The following FNDC1 variants were observed in gnomAD, a reference collection of about 807,000 sequenced individuals.
FNDC1 encodes fibronectin type III domain containing 1.
A neutral mutation model predicts 168.0 loss-of-function variants in FNDC1; 96 were observed. That is an observed-to-expected ratio of 0.57 (90% CI 0.48 to 0.68). The LOEUF (loss-of-function observed/expected upper bound fraction) is 0.68, where lower values mean the gene tolerates loss of function less well. Ranked by LOEUF, FNDC1 falls within the 30% of genes least tolerant of loss-of-function variation. The probability of loss-of-function intolerance (pLI) is 0.00; values close to 1 mark genes in which losing one functional copy is unlikely to be tolerated. For missense variants in FNDC1, 2,587 were observed against 2,482.1 expected (o/e 1.04, Z -0.90); for synonymous variants, 1,099 against 1,025.9 (o/e 1.07, Z -1.36).
At chr6:159,172,867 C>T (rs191774323) in intron 1 of FNDC1, among the ~76,000 whole-genome samples, 14 of 152,192 alleles carry the variant, frequency 9.2e-5, no homozygotes, top group Admixed American at 2.0e-4. Flanking sequence ...CCAAGCAAAA[C>T]GACATATTGC....
At chr6:159,248,040 T>C (rs868019995) in intron 15 of FNDC1, among the ~76,000 whole-genome samples, 22 of 152,376 alleles carry the variant, frequency 1.4e-4, no homozygotes, top group African/African-American at 4.8e-4. Flanking sequence ...TCACCTTTGA[T>C]GTGTTATTTA....
intron 18 of FNDC1, among the ~76,000 whole-genome samples, chr6:159,257,680 G>A (rs184131677): frequency 8.5e-5 from 13 of 152,332 alleles, no homozygotes; most frequent in Admixed American, 7.2e-4. Flanking sequence ...TGAATGAGCT[G>A]TGAATTTTCC....
intron 5 of FNDC1, 136 bp from the exon 6 acceptor site, chr6:159,221,462 T>A (rs1257516482): frequency 1.0e-5 from 7 of 672,126 alleles, no homozygotes; most frequent in Non-Finnish European, 1.8e-5. Flanking sequence ...CCTCAAGAAG[T>A]GGGAATACCC....
At chr6:159,261,113 A>G (rs1194404573) in intron 18 of FNDC1, 77 bp from the exon 19 acceptor site, 10 of 1,072,316 alleles carry the variant, frequency 9.3e-6, no homozygotes, top group African/African-American at 1.6e-5. Flanking sequence ...TCAGGTGTTC[A>G]GTAGTTTGGG....
At chr6:159,231,820 T>A in intron 10 of FNDC1, 62 bp from the exon 11 acceptor site, 3 of 1,406,794 alleles carry the variant, frequency 2.1e-6, no homozygotes, top group Non-Finnish European at 1.9e-6. Context: ...ATACTGTGTC[T>A]CACCTCCGCT....
intron 1 of FNDC1, among the ~76,000 whole-genome samples, chr6:159,190,948 A>T (rs778114501): frequency 2.0e-5 from 3 of 152,196 alleles, no homozygotes; most frequent in Non-Finnish European, 4.4e-5. Flanking sequence ...TGGGTAATTT[A>T]TGAAGAAAAG....
At position 159,266,252 on chromosome 6, in the gene FNDC1, C is replaced by A. The variant is rs763347784; in HGVS notation, c.5446+7C>A. ...CTCAGTGACAACCTGAAAGGTAAGT[C>A]TTTGTGCATGGTTGGCTATGGGAGG... On this transcript the variant is annotated splice_region_variant and intron_variant, in intron 21 of 22. Coordinates refer to ENST00000297267, the MANE Select transcript of FNDC1 (RefSeq NM_032532.3). 2 of 1,613,800 alleles carry A rather than the reference C, an allele frequency of 1.2e-6. No individual in the cohort carries two copies. The highest frequency in any genetic ancestry group is 1.7e-5 in the Admixed American group (1 of 60,028).
chr6:159,250,285 C>T (rs115303217), intron 16 of FNDC1, among the ~76,000 whole-genome samples: 5 of 152,320 alleles, frequency 3.3e-5, no homozygotes, highest in African/African-American at 1.2e-4. Flanking sequence ...AGCTGTGTCC[C>T]AGGGACTCTG....
chr6:159,265,144 C>T (rs747700979), intron 20 of FNDC1, 140 bp downstream of exon 20: 11 of 680,966 alleles, frequency 1.6e-5, no homozygotes, highest in South Asian at 4.1e-5. Context: ...TCCTTGCACT[C>T]GTCATCCTGA....
At chr6:159,239,427 A>C in intron 13 of FNDC1, 90 bp from the exon 14 acceptor site, 1 of 1,161,664 alleles carries the variant, frequency 8.6e-7, no homozygotes, top group Non-Finnish European at 1.2e-6. Flanking sequence ...ATGATAATAC[A>C]TAAGCTTTGA....
chr6:159,258,199 T>C (rs1777413529), intron 18 of FNDC1, among the ~76,000 whole-genome samples: 1 of 152,166 alleles, frequency 6.6e-6, no homozygotes, highest in Non-Finnish European at 1.5e-5. Flanking sequence ...TACTACACAC[T>C]TCCTGAGCGC....
chr6:159,174,404 C>T (rs1186315250), intron 1 of FNDC1, among the ~76,000 whole-genome samples: 6 of 152,276 alleles, frequency 3.9e-5, no homozygotes, highest in African/African-American at 1.2e-4. Context: ...CGTCTTCCTC[C>T]CTCGGCCCGG....
At chr6:159,176,312 TCAGA>T (rs1781760382) in intron 1 of FNDC1, among the ~76,000 whole-genome samples, 1 of 151,750 alleles carries the variant, frequency 6.6e-6, no homozygotes, top group East Asian at 1.9e-4. Context: ...TTACTGGGAG[TCAGA>T]CAAAGACACA....
intron 4 of FNDC1, among the ~76,000 whole-genome samples, chr6:159,206,620 G>A (rs1194108694): frequency 6.6e-6 from 1 of 152,194 alleles, no homozygotes; most frequent in Non-Finnish European, 1.5e-5. Flanking sequence ...GAAGATTGGG[G>A]TCACCTCTGT....
intron 6 of FNDC1, 35 bp downstream of exon 6, chr6:159,221,731 G>A (rs1782829451): frequency 6.9e-7 from 1 of 1,458,998 alleles, no homozygotes; most frequent in Non-Finnish European, 9.6e-7. Context: ...TCAAACCATA[G>A]TCTGGTATGA....
chr6:159,191,841 T>C (rs1782147901), intron 1 of FNDC1, among the ~76,000 whole-genome samples: 1 of 152,168 alleles, frequency 6.6e-6, no homozygotes, highest in Non-Finnish European at 1.5e-5. Flanking sequence ...GAAGATGATT[T>C]TATTCTTTGT....
chr6:159,235,054 A>G (rs1289218405), intron 11 of FNDC1, among the ~76,000 whole-genome samples: 1 of 152,242 alleles, frequency 6.6e-6, no homozygotes, highest in Non-Finnish European at 1.5e-5. Flanking sequence ...TTGGGTATGA[A>G]TTGCTCAGAC....
rs1182867913 is a variant in FNDC1, at chr6:159,266,185, G to A, written c.5386G>A (p.Val1796Met). The A allele has an allele frequency of 1.5e-5, 24 of 1,613,900 alleles. No individual in the cohort carries two copies. Among genetic ancestry groups the A allele is most frequent in the South Asian group, 3.3e-5 (3 of 91,084 alleles). Residue 1796 changes from valine (V) to methionine (M), a missense_variant, in exon 21 of 23, where the codon GTG becomes ATG. Transcript: ENST00000297267. ...YVKRTWYRKF[V>M]GVVLCNSLRY... ...GAAGCGCACGTGGTATCGAAAGTTC[G>A]TGGGAGTTGTTCTTTGTAATTCACT...
In FNDC1 at chr6:159,268,016, C is replaced by A. The variant is rs1272763622; in HGVS notation, c.5569+90C>A. 28 of 1,389,642 alleles carry A rather than the reference C, an allele frequency of 2.0e-5. No homozygotes were observed. The East Asian group carries it at 5.9e-4, about 29-fold the overall frequency. The allele number at this position is 1,389,642 out of a possible 1,614,324, so 86.1% of individuals were successfully genotyped here. ...AAAATCCACAGTAGGTCTGCCTTTG[C>A]CTTGTCATTCGAAGATGGATGTTGG... On this transcript the variant is annotated intron_variant, in intron 22 of 22. Coordinates refer to ENST00000297267, the MANE Select transcript of FNDC1 (RefSeq NM_032532.3).
Sources: gnomAD v4.1 joint callset for allele counts (sites outside exome capture counted in the v4.1 genomes callset) on GRCh38, gnomAD v4.1.1 for gene constraint, MANE v1.5 for transcripts, NCBI Gene and HGNC (gene_info 2026-07-23, HGNC 2026-07-21) for gene names.